DNAH9: variants seen among roughly 807,000 people sequenced by gnomAD.
The protein encoded by DNAH9 is dynein axonemal heavy chain 9.
A neutral mutation model predicts 471.6 loss-of-function variants in DNAH9; 345 were observed. That is an observed-to-expected ratio of 0.73 (90% confidence interval 0.67 to 0.80). The LOEUF is 0.80. Among genes scored for constraint, DNAH9 ranks in the 30% least tolerant of loss-of-function variants. The pLI, the probability that DNAH9 is intolerant of heterozygous loss-of-function variation, is 0.00. For synonymous variants in DNAH9, 2,093 were observed against 2,123.6 expected, an observed-to-expected ratio of 0.99 and a Z score of 0.40; for missense variants, 5,407 against 5,609.2, an observed-to-expected ratio of 0.96 and a Z score of 1.15.
In DNAH9 at chr17:11,937,504, C is replaced by A. The variant is rs748732284; in HGVS notation, c.12642C>A (p.Gly4214=). 1.9e-6 allele frequency: 3 copies of A among 1,612,258 alleles called. No individual in the cohort carries two copies. The South Asian group carries it at 3.3e-5, about 18-fold the overall frequency. ...ACAGCCAGGCCAGAGACGGAGCGGG[C>A]GCCACAAGAGAAGAAAAGGTGTGTG... is the stretch of plus-strand genomic sequence containing the variant. ...PRDSQARDGA[G]ATREEKVKAL... Residue 4214 remains glycine, a synonymous_variant, in exon 66 of 69, where the codon GGC becomes GGA. Coordinates refer to ENST00000262442, the MANE Select transcript of DNAH9 (RefSeq NM_001372.4). This position sits in a 1 kb window ranked among gnomAD's most constrained non-coding sequence, Gnocchi z 4.1.
chr17:11,747,805 C>A (rs1372088486), intron 32 of DNAH9, 39 bp downstream of exon 32: 1 of 1,557,214 alleles, frequency 6.4e-7, no homozygotes, highest in Non-Finnish European at 8.9e-7. Flanking sequence ...TCTCTGCTAG[C>A]CTCAGAGTCC....
At chr17:11,817,468 T>A (rs1567822966) in intron 45 of DNAH9, among the ~76,000 whole-genome samples, 1 of 152,258 alleles carries the variant, frequency 6.6e-6, no homozygotes, top group East Asian at 1.9e-4. Context: ...CTATAAAGTG[T>A]CAGGAAGTAA....
chr17:11,831,462 G>A (rs562007296), intron 48 of DNAH9, among the ~76,000 whole-genome samples: 8 of 151,850 alleles, frequency 5.3e-5, no homozygotes, highest in South Asian at 4.2e-4. Context: ...TGATGGACCC[G>A]CCCCCATGAC....
intron 29 of DNAH9, among the ~76,000 whole-genome samples, chr17:11,739,657 G>A (rs2075403556): frequency 6.6e-6 from 1 of 152,188 alleles, no homozygotes; most frequent in African/African-American, 2.4e-5. Flanking sequence ...AGCGACGCAT[G>A]AGAGCACCTC....
chr17:11,739,717 C>T (rs2075404493), intron 29 of DNAH9, among the ~76,000 whole-genome samples: 1 of 152,184 alleles, frequency 6.6e-6, no homozygotes, highest in Non-Finnish European at 1.5e-5. Flanking sequence ...TTAAACTCTT[C>T]TTTATTTTGA....
Position 11,690,133 on chromosome 17 carries a change from A to G in DNAH9, c.4311A>G (p.Leu1437=). ...AAGAGATGGGTATGGAGAAAACCTT[A>G]AAGGAGCTGCAGACTACCTGGGCTG... ...AAKEMGMEKT[L]KELQTTWAGM... The change falls in exon 20 of 69, where the codon TTA becomes TTG. Residue 1437 remains leucine (L), a synonymous_variant. Coordinates refer to ENST00000262442, the MANE Select transcript of DNAH9 (RefSeq NM_001372.4). 6.2e-7 allele frequency: 1 copy of G among 1,614,204 alleles called. No individual in the cohort carries two copies. The highest frequency in any genetic ancestry group is 8.5e-7 in the Non-Finnish European group (1 of 1,180,032).
At chr17:11,958,449 G>A (rs1022561127) in intron 67 of DNAH9, among the ~76,000 whole-genome samples, 1 of 152,124 alleles carries the variant, frequency 6.6e-6, no homozygotes, top group African/African-American at 2.4e-5. Flanking sequence ...TGGTGGATAC[G>A]TGGCATTAAA....
At position 11,755,022 on chromosome 17, in the gene DNAH9, G is replaced by A. The variant is rs112605956; in HGVS notation, c.6739-1546G>A. Among the ~76,000 whole-genome samples the A allele has an allele frequency of 5.3e-3, 805 of 152,210 alleles. 5 individuals carry two copies. The highest frequency in any genetic ancestry group is 0.019 in the African/African-American group (777 of 41,536). On this transcript the variant is annotated intron_variant, in intron 33 of 68. Transcript: ENST00000262442. Reference sequence around the variant, plus strand: ...CTTTGTATATCATGTAAAGAAGGGCGCCAGTTTCAGTCTTCCACATATGGC... The same window carrying A: ...CTTTGTATATCATGTAAAGAAGGGCACCAGTTTCAGTCTTCCACATATGGC...
At chr17:11,805,212 ACAGGTCAT>A in intron 43 of DNAH9, among the ~76,000 whole-genome samples, 1 of 152,290 alleles carries the variant, frequency 6.6e-6, no homozygotes, top group Non-Finnish European at 1.5e-5. Context: ...TTAATTGTGA[ACAGGTCAT>A]CAGTACATGC....
At chr17:11,730,849 G>C (rs1293930028) in intron 28 of DNAH9, among the ~76,000 whole-genome samples, 1 of 151,706 alleles carries the variant, frequency 6.6e-6, no homozygotes, top group Non-Finnish European at 1.5e-5. Context: ...GATGATGATG[G>C]CGGTGGTAGT....
At chr17:11,767,456 T>C (rs755167329) in intron 36 of DNAH9, among the ~76,000 whole-genome samples, 31 of 152,256 alleles carry the variant, frequency 2.0e-4, no homozygotes, top group Admixed American at 3.9e-4. Context: ...AATTCAATCC[T>C]ATTTATTTAA....
chr17:11,725,180 TC>T (rs1354086401), intron 27 of DNAH9, among the ~76,000 whole-genome samples: 2 of 152,220 alleles, frequency 1.3e-5, no homozygotes, highest in East Asian at 3.8e-4. Flanking sequence ...GCGGCCTGGT[TC>T]CTTAACAGAC....
chr17:11,691,022 G>A (rs903390107), intron 20 of DNAH9, among the ~76,000 whole-genome samples: 3 of 152,042 alleles, frequency 2.0e-5, no homozygotes, highest in African/African-American at 7.2e-5. Flanking sequence ...TCTCTCAGTG[G>A]ACTCTGATTC....
At chr17:11,680,266 ATATGT>A (rs2074112051) in intron 18 of DNAH9, among the ~76,000 whole-genome samples, 2 of 152,172 alleles carry the variant, frequency 1.3e-5, no homozygotes, top group African/African-American at 4.8e-5. Context: ...CAGATCTGAA[ATATGT>A]TAAGATGGTC....
rs1226863460 is a variant in DNAH9, at chr17:11,744,812, G to T, written c.6127G>T (p.Gly2043Cys). The T allele has an allele frequency of 6.2e-7, 1 of 1,613,170 alleles. No individual in the cohort carries two copies. Among genetic ancestry groups the T allele is most frequent in the East Asian group, 2.2e-5 (1 of 44,832 alleles). ...LLSKQDHYDWGLRAIKSVLVV... is the reference protein window; with the variant it reads ...LLSKQDHYDWCLRAIKSVLVV... ...CTGCCCACAGGATCACTACGACTGG[G>T]GCCTACGGGCCATCAAGTCCGTGCT... Residue 2043 changes from glycine (G) to cysteine (C), a missense_variant, in exon 31 of 69, where the codon GGC becomes TGC. Physicochemically the swap from Gly to Cys is radical, Grantham distance 159 (BLOSUM62 -3). Coordinates refer to ENST00000262442, the MANE Select transcript of DNAH9 (RefSeq NM_001372.4).
intron 25 of DNAH9, 140 bp downstream of exon 25, chr17:11,704,582 C>CAT: frequency 1.9e-6 from 1 of 527,056 alleles, no homozygotes; most frequent in Non-Finnish European, 3.2e-6. Context: ...GCTGCTCCTA[C>CAT]TTTTTTTTTT....
At chr17:11,640,021 C>G (rs896794828) in intron 9 of DNAH9, among the ~76,000 whole-genome samples, 105 of 152,260 alleles carry the variant, frequency 6.9e-4, no homozygotes, top group African/African-American at 2.5e-3. Context: ...TGGCTGGGCC[C>G]CTCCCAGAGC....
intron 1 of DNAH9, among the ~76,000 whole-genome samples, chr17:11,603,138 A>G (rs2072421155): frequency 6.6e-6 from 1 of 152,218 alleles, no homozygotes; most frequent in African/African-American, 2.4e-5. Flanking sequence ...CCATTAAATT[A>G]AAAGAGACCA....
chr17:11,761,385 G>A (rs1447621879), intron 35 of DNAH9, among the ~76,000 whole-genome samples: 1 of 152,200 alleles, frequency 6.6e-6, no homozygotes, highest in Admixed American at 6.5e-5. Flanking sequence ...AAAGCGGGGT[G>A]GAGAGAAGAG....
Sources: gnomAD v4.1 joint callset for allele counts (sites outside exome capture counted in the v4.1 genomes callset) on GRCh38, gnomAD v4.1.1 for gene constraint, Gnocchi (gnomAD v3.1) non-coding constraint, MANE v1.5 for transcripts, NCBI Gene and HGNC (gene_info 2026-07-23, HGNC 2026-07-21) for gene names.